The following PCDHGA2 variants were observed in gnomAD, a reference collection of about 807,000 sequenced individuals.
The protein encoded by PCDHGA2 is protocadherin gamma subfamily A, 2, also known as protocadherin gamma-A2.
In PCDHGA2, 40 loss-of-function variants were observed where a neutral mutation model predicts 59.2. The ratio of observed to expected loss-of-function variants is 0.68; its 90% CI spans 0.52 to 0.88. The LOEUF is 0.88. PCDHGA2 is among the 40% of genes least tolerant of loss of function. The pLI is 0.00. For synonymous variants in PCDHGA2, 560 were observed against 526.0 expected, an observed-to-expected ratio of 1.06 and a Z score of -0.89; for missense variants, 1,226 against 1,204.0, an observed-to-expected ratio of 1.02 and a Z score of -0.27.
intron 1 of PCDHGA2, chr5:141,343,160 A>G (rs904100867): frequency 3.2e-6 from 1 of 317,156 alleles, no homozygotes; most frequent in Non-Finnish European, 4.6e-6. Context: ...TACTGTGTCT[A>G]TATTGTTCAC....
intron 1 of PCDHGA2, among the ~76,000 whole-genome samples, chr5:141,446,149 G>T (rs2098490670): frequency 6.6e-6 from 1 of 152,178 alleles, no homozygotes; most frequent in Non-Finnish European, 1.5e-5. Context: ...GGAATAGGTG[G>T]AATATAAATT....
chr5:141,426,717 G>A (rs974405285), intron 1 of PCDHGA2: 1 of 446,052 alleles, frequency 2.2e-6, no homozygotes, highest in African/African-American at 2.0e-5. Flanking sequence ...CAATGAACTA[G>A]CAATTCCAGG....
intron 1 of PCDHGA2, chr5:141,408,821 T>C (rs774934223): frequency 1.4e-5 from 23 of 1,613,250 alleles, no homozygotes; most frequent in African/African-American, 2.7e-5. Flanking sequence ...AGAACAGAGA[T>C]CTCATAGCTT....
At chr5:141,345,006 C>A (rs371882850) in intron 1 of PCDHGA2, 21 of 1,613,844 alleles carry the variant, frequency 1.3e-5, no homozygotes, top group Non-Finnish European at 1.8e-5. Context: ...ACAGGATGGA[C>A]CAGGTCTTCT....
chr5:141,370,754 T>A, intron 1 of PCDHGA2: 1 of 1,613,980 alleles, frequency 6.2e-7, no homozygotes, highest in Non-Finnish European at 8.5e-7. Flanking sequence ...TTCATGTAAC[T>A]GTGCTGATCC....
intron 1 of PCDHGA2, chr5:141,350,273 A>C: frequency 2.0e-6 from 3 of 1,512,540 alleles, no homozygotes; most frequent in Non-Finnish European, 2.6e-6. Flanking sequence ...GCAGAGAGCC[A>C]GAGAAGCCGA....
intron 2 of PCDHGA2, among the ~76,000 whole-genome samples, chr5:141,495,678 C>T (rs1340336428): frequency 6.6e-6 from 1 of 152,180 alleles, no homozygotes; most frequent in African/African-American, 2.4e-5. Context: ...CTGTGCCTGC[C>T]ATGGCATAAG....
chr5:141,433,304 C>T, intron 1 of PCDHGA2: 1 of 932,004 alleles, frequency 1.1e-6, no homozygotes, highest in Non-Finnish European at 1.6e-6. Context: ...AGCAATTATC[C>T]CACCTTTGCC....
chr5:141,418,945 A>G, intron 1 of PCDHGA2: 3 of 1,614,062 alleles, frequency 1.9e-6, no homozygotes, highest in Non-Finnish European at 2.5e-6. Flanking sequence ...ATTCCCCTCC[A>G]GGAGTGGTTG....
chr5:141,356,910 T>A lies in PCDHGA2; in HGVS notation c.2424+15515T>A, dbSNP rs187434280. On this transcript the variant is annotated intron_variant, in intron 1 of 3. Coordinates refer to ENST00000394576, the MANE Select transcript of PCDHGA2 (RefSeq NM_018915.4). ...TCCTGTACCCCACCTTCCCTACTGA[T>A]GGCTCCACTGGTGTGGAGCTGGCAC... The A allele has an allele frequency of 3.6e-5, 58 of 1,614,140 alleles. No homozygotes were observed. The African/African-American group carries it at 7.2e-4, about 20-fold the overall frequency.
In PCDHGA2 at chr5:141,431,878, C is replaced by T. The variant is rs2097425306; in HGVS notation, c.2425-62929C>T. The T allele has an allele frequency of 1.2e-6, 2 of 1,614,054 alleles. No individual in the cohort carries two copies. The highest frequency in any genetic ancestry group is 1.7e-5 in the Admixed American group (1 of 60,010). ...TAATTGCCCTTTTAAATGTAAATGACCAAGATTCTGAGGAAAACGGACAGG... is the reference window on the plus strand; with the variant it reads ...TAATTGCCCTTTTAAATGTAAATGATCAAGATTCTGAGGAAAACGGACAGG... On this transcript the variant is annotated intron_variant, in intron 1 of 3. Transcript: ENST00000394576. The surrounding 1 kb of genome is among the most constrained non-coding windows in gnomAD (Gnocchi z 4.8).
At position 141,339,749 on chromosome 5, in the gene PCDHGA2, C is replaced by A. The variant is rs145851665; in HGVS notation, c.778C>A (p.Arg260=). 37 of 1,613,952 alleles carry A rather than the reference C, an allele frequency of 2.3e-5. No homozygotes were observed. Among genetic ancestry groups the A allele is most frequent in the Non-Finnish European group, 3.1e-5 (36 of 1,179,986 alleles). The change falls in exon 1 of 4, where the codon CGG becomes AGG. Residue 260 remains arginine (R), a synonymous_variant. Coordinates refer to ENST00000394576, the MANE Select transcript of PCDHGA2 (RefSeq NM_018915.4). ...TCCGGAGAATACGCTCGTGGGCACC[C>A]GGATACTCACGGTGACCGCCACTGA... ...SIPENTLVGT[R]ILTVTATDAD...
chr5:141,345,713 C>G (rs762169272), intron 1 of PCDHGA2: 2 of 1,614,238 alleles, frequency 1.2e-6, no homozygotes, highest in African/African-American at 1.3e-5. Context: ...ACAACGCGCC[C>G]GAGATCCTGT....
chr5:141,366,865 G>C, intron 1 of PCDHGA2: 2 of 1,405,810 alleles, frequency 1.4e-6, no homozygotes, highest in South Asian at 2.9e-5. Flanking sequence ...ATTATTTGCT[G>C]TATTGGAGAT....
intron 1 of PCDHGA2, chr5:141,413,494 G>C: frequency 6.2e-7 from 1 of 1,614,042 alleles, no homozygotes; most frequent in Non-Finnish European, 8.5e-7. Flanking sequence ...CGCGCGGTGC[G>C]TGGTGAGTTT....
rs1458508114 is a variant in PCDHGA2, at chr5:141,489,523, C to T, written c.2425-5284C>T. ...GAATCAAAAGATTGACCGAGAAAGC[C>T]TATGTGGAGCCAGCACCAGCTGCCT... On this transcript the variant is annotated intron_variant, in intron 1 of 3. Transcript: ENST00000394576. This position sits in a 1 kb window ranked among gnomAD's most constrained non-coding sequence, Gnocchi z 4.5. The T allele has an allele frequency of 3.5e-5, 56 of 1,614,006 alleles. No homozygotes were observed. The highest frequency in any genetic ancestry group is 4.5e-5 in the Non-Finnish European group (53 of 1,180,044).
intron 1 of PCDHGA2, among the ~76,000 whole-genome samples, chr5:141,444,152 ATTTTTTTTTTTTTTTTTTTTTT>A (rs747671382): frequency 8.9e-5 from 3 of 33,882 alleles, no homozygotes; most frequent in East Asian, 1.0e-3. Flanking sequence ...TGTGTACTGG[ATTTTTTTTTTTTTTTTTTTTTT>A]TTTTTTTTTT....
rs192747939 is a variant in PCDHGA2 at position 141,487,483 on chromosome 5, T to A, written c.2425-7324T>A. ...TTGTTGATGTGGGAGGCCACTCTCA[T>A]GGCTGTACACCCTTGGCTTCTGCAC... On this transcript the variant is annotated intron_variant, in intron 1 of 3. Transcript: ENST00000394576. This position sits in a 1 kb window ranked among gnomAD's most constrained non-coding sequence, Gnocchi z 5.0. 1 of 1,614,224 alleles carries A rather than the reference T, an allele frequency of 6.2e-7. No individual in the cohort carries two copies. The highest frequency in any genetic ancestry group is 1.1e-5 in the South Asian group (1 of 91,084).
intron 1 of PCDHGA2, chr5:141,422,216 C>T (rs1241784107): frequency 6.4e-7 from 1 of 1,563,862 alleles, no homozygotes; most frequent in African/African-American, 1.4e-5. Flanking sequence ...GGTCTCTTTA[C>T]CACCACGACG....
Sources: gnomAD v4.1 joint callset for allele counts (sites outside exome capture counted in the v4.1 genomes callset) on GRCh38, gnomAD v4.1.1 for gene constraint, Gnocchi (gnomAD v3.1) non-coding constraint, MANE v1.5 for transcripts, NCBI Gene and HGNC (gene_info 2026-07-23, HGNC 2026-07-21) for gene names.